Variants in VCAN observed in about 807,000 individuals in gnomAD.
VCAN encodes versican.
VCAN carries 44 observed loss-of-function variants against 245.5 expected under a neutral mutation model. The observed-to-expected ratio is 0.18, with a 90% CI of 0.14 to 0.23. VCAN has a LOEUF of 0.23. Among genes scored for constraint, VCAN ranks in the 10% least tolerant of loss-of-function variants. The pLI is 1.00. For missense variants in VCAN, 3,793 were observed against 4,057.9 expected (o/e 0.93, Z 1.77); for synonymous variants, 1,413 against 1,437.0 (o/e 0.98, Z 0.38).
intron 10 of VCAN, among the ~76,000 whole-genome samples, chr5:83,551,373 A>T (rs895364515): frequency 6.6e-6 from 1 of 151,976 alleles, no homozygotes; most frequent in Non-Finnish European, 1.5e-5. Context: ...TTAGCCAGGC[A>T]TGGTGGTGCA....
intron 10 of VCAN, 86 bp downstream of exon 10, chr5:83,548,170 T>C: frequency 2.1e-6 from 2 of 972,960 alleles, no homozygotes; most frequent in South Asian, 1.3e-5. Context: ...TTTCCTGCAG[T>C]GGAAATTCAC....
intron 5 of VCAN, among the ~76,000 whole-genome samples, chr5:83,496,183 C>G (rs1264749403): frequency 2.6e-5 from 4 of 152,130 alleles, no homozygotes; most frequent in Non-Finnish European, 5.9e-5. Flanking sequence ...AACCAGTGTT[C>G]AGGAACTGGA....
At chr5:83,490,814 T>G (rs952510209) in intron 3 of VCAN, among the ~76,000 whole-genome samples, 1 of 152,214 alleles carries the variant, frequency 6.6e-6, no homozygotes, top group Non-Finnish European at 1.5e-5. Context: ...AATCTACATT[T>G]TAAAAATTAT....
In VCAN at chr5:83,540,255, G is replaced by A. The variant is rs1289218996; in HGVS notation, c.7252G>A (p.Ala2418Thr). The A allele has an allele frequency of 6.2e-7, 1 of 1,614,088 alleles. No homozygotes were observed. Among genetic ancestry groups the A allele is most frequent in the South Asian group, 1.1e-5 (1 of 91,082 alleles). ...AATGGCCAAAGAATTTGTTACATCA[G>A]CACCAAAACCATCTGACTTGTATTA... is the stretch of plus-strand genomic sequence containing the variant. Reference protein sequence around the residue: ...FEMAKEFVTSAPKPSDLYYEP... With the variant: ...FEMAKEFVTSTPKPSDLYYEP... The change falls in exon 8 of 15, where the codon GCA (alanine) becomes ACA (threonine). Residue 2418 changes from alanine (A) to threonine (T), a missense_variant. Ala to Thr is a moderately conservative substitution (Grantham distance 58, BLOSUM62 0). Around this residue, in one of 5 missense-constraint regions of VCAN, gnomAD observed 3,182 missense variants for 3,250.3 expected, o/e 0.98. Transcript: ENST00000265077.
rs770051592 is a variant in VCAN at position 83,539,471 on chromosome 5, T to G, written c.6468T>G (p.Ser2156=). ...TETELKTTDY[S]VLTTKKTYSD... ...CTGAACTCAAAACCACAGATTATTC[T>G]GTACTAACAACAAAGAAAACTTACA... The change falls in exon 8 of 15, where the codon TCT becomes TCG. Residue 2156 remains serine (S), a synonymous_variant. Coordinates refer to ENST00000265077, the MANE Select transcript of VCAN (RefSeq NM_004385.5). 12 of 1,613,632 alleles carry G rather than the reference T, an allele frequency of 7.4e-6. No homozygotes were observed. The highest frequency in any genetic ancestry group is 1.0e-5 in the Non-Finnish European group (12 of 1,179,880).
At chr5:83,542,406 C>A in intron 8 of VCAN, 138 bp downstream of exon 8, 1 of 934,524 alleles carries the variant, frequency 1.1e-6, no homozygotes, top group Non-Finnish European at 1.7e-6. Context: ...GCAGGCCAGG[C>A]CACAGTATTG....
In VCAN at chr5:83,521,182, G is replaced by A. The variant is rs369644658; in HGVS notation, c.2876G>A (p.Ser959Asn). 5.1e-5 allele frequency: 82 copies of A among 1,613,328 alleles called. No individual in the cohort carries two copies. In the Middle Eastern group the frequency reaches 1.5e-3, roughly 29 times the overall value. Residue 959 changes from serine (S) to asparagine (N), a missense_variant, in exon 7 of 15, where the codon AGC becomes AAC. Ser to Asn is a conservative substitution (Grantham distance 46). Transcript: ENST00000265077. The stretch of plus-strand genomic sequence containing the variant: ...GGATTAGCATTTGTTAGTTATAGTA[G>A]CACCCAAGAGCCTACTACTTATGTA... ...VEGLAFVSYS[S>N]TQEPTTYVDS...
intron 13 of VCAN, among the ~76,000 whole-genome samples, chr5:83,579,387 C>G (rs1185297999): frequency 6.6e-6 from 1 of 152,086 alleles, no homozygotes; most frequent in East Asian, 1.9e-4. Flanking sequence ...CCTAAGCCTC[C>G]CGAGTAGCTG....
At chr5:83,559,992 C>T (rs1045492521) in intron 12 of VCAN, among the ~76,000 whole-genome samples, 16 of 140,294 alleles carry the variant, frequency 1.1e-4, no homozygotes, top group African/African-American at 3.6e-4. Flanking sequence ...ATGGGTTTTA[C>T]GGTGAAAAGA....
At chr5:83,573,311 A>C (rs1306789046) in intron 13 of VCAN, among the ~76,000 whole-genome samples, 2 of 152,092 alleles carry the variant, frequency 1.3e-5, no homozygotes, top group Non-Finnish European at 2.9e-5. Flanking sequence ...AAATAAGAAG[A>C]CCTGGTACCA....
intron 5 of VCAN, among the ~76,000 whole-genome samples, chr5:83,505,541 C>T (rs981022841): frequency 1.3e-5 from 2 of 152,164 alleles, no homozygotes; most frequent in African/African-American, 4.8e-5. Context: ...CAGCTCAGCC[C>T]CTGTGGCTTT....
chr5:83,542,710 T>C (rs557816713), intron 8 of VCAN, among the ~76,000 whole-genome samples: 122 of 152,286 alleles, frequency 8.0e-4, no homozygotes, highest in African/African-American at 2.9e-3. Context: ...CCTTTAACAT[T>C]TGGGAGTAGT....
At position 83,538,412 on chromosome 5, in the gene VCAN, G is replaced by A. The variant is rs764151585; in HGVS notation, c.5409G>A (p.Gly1803=). The change falls in exon 8 of 15, where the codon GGG becomes GGA. Residue 1803 remains glycine, a synonymous_variant. Coordinates refer to ENST00000265077, the MANE Select transcript of VCAN (RefSeq NM_004385.5). ...AAACAAATACATTAGAAAATTTGGG[G>A]GCACAGACCACTGAGCACAGCAGTA... ...FTETNTLENL[G]AQTTEHSSIH... is the part of the protein sequence containing the mutation. 6.2e-7 allele frequency: 1 copy of A among 1,613,780 alleles called. No individual in the cohort carries two copies. Among genetic ancestry groups the A allele is most frequent in the East Asian group, 2.2e-5 (1 of 44,880 alleles).
Position 83,538,172 on chromosome 5 carries a change from G to A in VCAN, c.5169G>A (p.Lys1723=). ...EWISSTTVEE[K]KRKEEEGTTG... ...TTTCCAGTACCACTGTTGAGGAAAA[G>A]AAAAGGAAGGAGGAGGAGGGAACTA... Residue 1723 remains lysine, a synonymous_variant, in exon 8 of 15, where the codon AAG becomes AAA. Coordinates refer to ENST00000265077, the MANE Select transcript of VCAN (RefSeq NM_004385.5). The A allele has an allele frequency of 1.2e-6, 2 of 1,613,920 alleles. No individual in the cohort carries two copies. Among genetic ancestry groups the A allele is most frequent in the Non-Finnish European group, 1.7e-6 (2 of 1,179,958 alleles).
chr5:83,562,153 T>G (rs1474387335), intron 12 of VCAN: 1 of 152,188 alleles, frequency 6.6e-6, no homozygotes, highest in Non-Finnish European at 1.5e-5. Flanking sequence ...ATATCAACAT[T>G]AATTTAATTA....
chr5:83,480,380 G>A (rs948496947), intron 1 of VCAN, among the ~76,000 whole-genome samples: 10 of 152,098 alleles, frequency 6.6e-5, no homozygotes, highest in Admixed American at 5.2e-4. Flanking sequence ...ATCCTTTCCT[G>A]GGTCACACCT....
rs1214974578 is a variant in VCAN at position 83,520,535 on chromosome 5, G to A, written c.2229G>A (p.Met743Ile). Reference protein sequence around the residue: ...PIHVTESSVEMTKSFDFPTLI... With the variant: ...PIHVTESSVEITKSFDFPTLI... The stretch of plus-strand genomic sequence containing the variant: ...ATGTTACAGAGTCTTCTGTGGAAAT[G>A]ACCAAGTCTTTTGATTTCCCAACAT... Residue 743 changes from methionine to isoleucine, a missense_variant, in exon 7 of 15, where the codon ATG (methionine) becomes ATA (isoleucine). Met to Ile is a conservative substitution (Grantham distance 10, BLOSUM62 1). This residue lies in a region of VCAN where 3,182 missense variants were observed against 3,250.3 expected (regional missense o/e 0.98). Coordinates refer to ENST00000265077, the MANE Select transcript of VCAN (RefSeq NM_004385.5). The A allele has an allele frequency of 6.2e-7, 1 of 1,613,762 alleles. No individual in the cohort carries two copies. Among genetic ancestry groups the A allele is most frequent in the African/African-American group, 1.3e-5 (1 of 74,918 alleles).
chr5:83,554,867 G>A (rs928196743), intron 11 of VCAN, 89 bp from the exon 12 acceptor site: 10 of 1,239,224 alleles, frequency 8.1e-6, no homozygotes, highest in Admixed American at 1.8e-5. Context: ...GAGGATGCAT[G>A]ATTCATGCTG....
rs2112406416 is a variant in VCAN, at chr5:83,519,523, A to T, written c.1217A>T (p.Gln406Leu). 2 of 1,614,166 alleles carry T rather than the reference A, an allele frequency of 1.2e-6. No homozygotes were observed. Among genetic ancestry groups the T allele is most frequent in the African/African-American group, 2.7e-5 (2 of 75,064 alleles). The change falls in exon 7 of 15, where the codon CAG becomes CTG. Residue 406 changes from glutamine (Q) to leucine (L), a missense_variant. Coordinates refer to ENST00000265077, the MANE Select transcript of VCAN (RefSeq NM_004385.5). ...PPVGNIVSFE[Q>L]KATVQPQAIT... is the part of the protein sequence containing the mutation. The stretch of plus-strand genomic sequence containing the variant: ...GTGGGAAATATTGTCAGTTTTGAAC[A>T]GAAAGCCACAGTCCAACCTCAGGCT...
Sources: allele counts gnomAD v4.1 joint callset (sites outside exome capture counted in the v4.1 genomes callset), GRCh38; gene constraint gnomAD v4.1.1; regional missense constraint gnomAD v4.1.1; transcripts MANE v1.5; gene names NCBI Gene and HGNC (gene_info 2026-07-23, HGNC 2026-07-21).